The following TBC1D19 variants were observed in gnomAD, a reference collection of about 807,000 sequenced individuals.
TBC1D19 encodes TBC1 domain family, member 19.
TBC1D19 carries 60 observed loss-of-function variants against 89.0 expected under a neutral mutation model. The observed-to-expected ratio is 0.67, with a 90% CI of 0.55 to 0.84. The LOEUF (loss-of-function observed/expected upper bound fraction) is 0.84. TBC1D19 is among the 40% of genes least tolerant of loss of function. The probability of loss-of-function intolerance (pLI) is 0.00; values close to 1 mark genes in which losing one functional copy is unlikely to be tolerated. For missense variants in TBC1D19, 500 were observed against 610.8 expected (o/e 0.82, Z 1.91); for synonymous variants, 189 against 199.7 (o/e 0.95, Z 0.45).
At chr4:26,834,180 C>T in the TBC1D19 span, among the ~76,000 whole-genome samples, 5 of 152,164 alleles carry the variant, frequency 3.3e-5, no homozygotes, top group African/African-American at 1.2e-4. Context: ...CTGAGGCCTC[C>T]CCAGCCATGC....
At chr4:26,631,134 G>A (rs1320504817) in intron 4 of TBC1D19, among the ~76,000 whole-genome samples, 1 of 152,058 alleles carries the variant, frequency 6.6e-6, no homozygotes, top group African/African-American at 2.4e-5. Context: ...ATAGATATGG[G>A]ACAGAGGATA....
intron 16 of TBC1D19, among the ~76,000 whole-genome samples, chr4:26,738,549 T>C (rs1370929590): frequency 2.0e-5 from 3 of 151,900 alleles, no homozygotes; most frequent in Non-Finnish European, 2.9e-5. Context: ...TAGCAATTTA[T>C]TTAATAGTAA....
chr4:26,651,291 A>G (rs1319104375), intron 7 of TBC1D19, among the ~76,000 whole-genome samples: 2 of 151,978 alleles, frequency 1.3e-5, no homozygotes, highest in African/African-American at 4.8e-5. Context: ...CATTGAATCT[A>G]TAAATTACTT....
chr4:26,732,501 C>T (rs763449879), intron 15 of TBC1D19, among the ~76,000 whole-genome samples: 2 of 152,124 alleles, frequency 1.3e-5, no homozygotes, highest in African/African-American at 2.4e-5. Context: ...TCTGGCACAT[C>T]GCAGGGACAC....
At chr4:26,685,487 C>T (rs190017195) in intron 12 of TBC1D19, among the ~76,000 whole-genome samples, 301 of 152,242 alleles carry the variant, frequency 2.0e-3, no homozygotes, top group African/African-American at 6.9e-3. Flanking sequence ...TACTTACCAG[C>T]AACATAGTGA....
chr4:26,584,958 G>A, intron 1 of TBC1D19: 1 of 194,922 alleles, frequency 5.1e-6, no homozygotes, highest in Non-Finnish European at 1.1e-5. Context: ...CATCCATTTT[G>A]TTGATATTTC....
At chr4:26,577,288 T>TGTGTGTGTGTGTGC (rs1560390819) in intron 1 of TBC1D19, among the ~76,000 whole-genome samples, 1 of 151,596 alleles carries the variant, frequency 6.6e-6, no homozygotes. Flanking sequence ...CTCTCGTGTG[T>TGTGTGTGTGTGTGC]GTGTGTGTGT....
intron 12 of TBC1D19, among the ~76,000 whole-genome samples, chr4:26,686,973 T>C (rs1713868622): frequency 6.6e-6 from 1 of 152,182 alleles, no homozygotes; most frequent in Non-Finnish European, 1.5e-5. Context: ...ATCTTGCCAG[T>C]GAGATTGTAG....
At chr4:26,821,110 A>G in the TBC1D19 span, among the ~76,000 whole-genome samples, 1 of 152,248 alleles carries the variant, frequency 6.6e-6, no homozygotes, top group Non-Finnish European at 1.5e-5. Context: ...AAGCATGCAC[A>G]TGAAGAGCAG....
chr4:26,815,825 A>G, the TBC1D19 span, among the ~76,000 whole-genome samples: 1 of 152,232 alleles, frequency 6.6e-6, no homozygotes, highest in Non-Finnish European at 1.5e-5. Context: ...CTTTTAAGTA[A>G]GAGATGGCAT....
chr4:26,829,613 A>G, the TBC1D19 span, among the ~76,000 whole-genome samples: 2 of 152,332 alleles, frequency 1.3e-5, no homozygotes. Context: ...AAAGGGATAA[A>G]TTGATCACAT....
intron 7 of TBC1D19, among the ~76,000 whole-genome samples, chr4:26,646,349 G>A (rs1223365261): frequency 6.6e-6 from 1 of 152,064 alleles, no homozygotes; most frequent in African/African-American, 2.4e-5. Context: ...AAATTGGAAC[G>A]CTTTTACACT....
chr4:26,644,416 C>T (rs1242985883), intron 7 of TBC1D19, among the ~76,000 whole-genome samples: 4 of 152,136 alleles, frequency 2.6e-5, no homozygotes, highest in Non-Finnish European at 5.9e-5. Context: ...ATTGATGGAA[C>T]GTATCTCAAA....
At chr4:26,808,522 G>A in the TBC1D19 span, among the ~76,000 whole-genome samples, 1 of 152,122 alleles carries the variant, frequency 6.6e-6, no homozygotes, top group Non-Finnish European at 1.5e-5. Context: ...ACAAGGTCAG[G>A]AGATTGAGAC....
At chr4:26,595,655 C>G (rs1055837981) in intron 1 of TBC1D19, among the ~76,000 whole-genome samples, 3 of 151,536 alleles carry the variant, frequency 2.0e-5, no homozygotes, top group Admixed American at 6.6e-5. Flanking sequence ...CCCACCCTCT[C>G]TTTCTCTTCC....
At chr4:26,640,061 T>C in intron 6 of TBC1D19, 80 bp from the exon 7 acceptor site, 1 of 988,044 alleles carries the variant, frequency 1.0e-6, no homozygotes, top group Non-Finnish European at 1.6e-6. Context: ...TGATAACATG[T>C]GAAAGAATGA....
intron 7 of TBC1D19, among the ~76,000 whole-genome samples, chr4:26,652,976 A>G (rs538800278): frequency 2.0e-5 from 3 of 152,212 alleles, no homozygotes; most frequent in Admixed American, 6.5e-5. Context: ...TCAATTTTAG[A>G]TCTTTCCTGC....
chr4:26,808,743 A>AG, the TBC1D19 span, among the ~76,000 whole-genome samples: 13 of 139,028 alleles, frequency 9.4e-5, no homozygotes, highest in Admixed American at 4.1e-4. Flanking sequence ...AAAAAAAAAA[A>AG]AAAGAAAAAG....
At chr4:26,828,716 T>C in the TBC1D19 span, among the ~76,000 whole-genome samples, 1 of 152,204 alleles carries the variant, frequency 6.6e-6, no homozygotes, top group Non-Finnish European at 1.5e-5. Context: ...TCTTCATTGG[T>C]AAATAGGGAT....
Sources: allele counts gnomAD v4.1 joint callset (sites outside exome capture counted in the v4.1 genomes callset), GRCh38; gene constraint gnomAD v4.1.1; transcripts MANE v1.5; gene names NCBI Gene and HGNC (gene_info 2026-07-23, HGNC 2026-07-21).